MECOM: variants seen among roughly 807,000 people sequenced by gnomAD.
MECOM encodes MDS1 and EVI1 complex locus, also known as histone-lysine N-methyltransferase MECOM.
Under a neutral mutation model 116.3 loss-of-function variants are expected in MECOM, and 13 were observed. That is an observed-to-expected ratio of 0.11 (90% confidence interval 0.07 to 0.18). The LOEUF is 0.18. MECOM is among the 10% of genes least tolerant of loss of function. MECOM has a pLI of 1.00. For synonymous variants in MECOM, 528 were observed against 535.2 expected (o/e 0.99, Z 0.19); for missense variants, 1,299 against 1,509.0 (o/e 0.86, Z 2.31).
intron 1 of MECOM, among the ~76,000 whole-genome samples, chr3:169,453,207 T>C (rs961898923): frequency 1.3e-5 from 2 of 152,238 alleles, no homozygotes; most frequent in Non-Finnish European, 2.9e-5. Context: ...AATGGCTGCA[T>C]GACAGAACAA....
intron 12 of MECOM, among the ~76,000 whole-genome samples, chr3:169,100,097 CTTTCTTT>C (rs1439768545): frequency 1.1e-5 from 1 of 92,436 alleles, no homozygotes; most frequent in Non-Finnish European, 2.0e-5. Flanking sequence ...TTCTTTCTTT[CTTTCTTT>C]TTTTTTTTTT....
chr3:169,663,509 TC>T lies in MECOM; in HGVS notation c.-138del. On this transcript the variant is annotated 5_prime_UTR_variant, in exon 1 of 17. Coordinates refer to ENST00000651503, the MANE Select transcript of MECOM (RefSeq NM_004991.4). ...CTCTCTCTCTCTCTCTCTCTCTCTC[TC>T]TCTCTCTCTCTCTCTCTCTCCCTCC... 5.8e-5 allele frequency: 39 copies of T among 674,958 alleles called. No individual in the cohort carries two copies. The highest frequency in any genetic ancestry group is 9.4e-5 in the Non-Finnish European group (36 of 383,074). The allele number at this position is 674,958 out of a possible 1,614,324, so 41.8% of individuals were successfully genotyped here.
chr3:169,405,509 G>A (rs914655282), intron 1 of MECOM, among the ~76,000 whole-genome samples: 5 of 152,144 alleles, frequency 3.3e-5, no homozygotes, highest in South Asian at 2.1e-4. Context: ...CAGCTTGTGC[G>A]ATGGGGAGAC....
chr3:169,323,066 G>A (rs996234118), intron 2 of MECOM, among the ~76,000 whole-genome samples: 2 of 142,096 alleles, frequency 1.4e-5, no homozygotes, highest in South Asian at 2.3e-4. Flanking sequence ...ACACATTTTA[G>A]GAAAAAAAGA....
At chr3:169,656,399 T>G (rs1352252071) in intron 1 of MECOM, among the ~76,000 whole-genome samples, 1 of 152,142 alleles carries the variant, frequency 6.6e-6, no homozygotes, top group Non-Finnish European at 1.5e-5. Context: ...AAAGCACGTT[T>G]GCTAATGAAT....
intron 1 of MECOM, among the ~76,000 whole-genome samples, chr3:169,591,523 A>G (rs1401204225): frequency 1.3e-5 from 2 of 152,166 alleles, no homozygotes; most frequent in East Asian, 3.8e-4. Context: ...TTTTTGCTCC[A>G]TGTTACACAC....
At chr3:169,211,738 C>T (rs1223371191) in intron 2 of MECOM, among the ~76,000 whole-genome samples, 6 of 152,128 alleles carry the variant, frequency 3.9e-5, no homozygotes, top group Admixed American at 3.3e-4. Flanking sequence ...AGTTCTAGAA[C>T]TTTAAAGATC....
chr3:169,567,463 T>A (rs1763374308), intron 1 of MECOM, among the ~76,000 whole-genome samples: 1 of 152,226 alleles, frequency 6.6e-6, no homozygotes, highest in South Asian at 2.1e-4. Context: ...TTTATTACTT[T>A]AGCCACTAAT....
chr3:169,084,329 C>G lies in MECOM; in HGVS notation c.*580G>C, dbSNP rs1348029757. The G allele has an allele frequency of 8.7e-6, 2 of 230,980 alleles. No homozygotes were observed. The highest frequency in any genetic ancestry group is 4.4e-5 in the African/African-American group (2 of 45,200). The allele number at this position is 230,980 out of a possible 1,614,324, so 14.3% of individuals were successfully genotyped here. On this transcript the variant is annotated 3_prime_UTR_variant, in exon 17 of 17. Transcript: ENST00000651503. ...CATACCCTTTTTCCCTAGTTTTAAA[C>G]AATGTACTTAAGAAGGCAAAAGGGG...
intron 2 of MECOM, among the ~76,000 whole-genome samples, chr3:169,375,183 G>A (rs1263108039): frequency 2.0e-5 from 3 of 152,020 alleles, no homozygotes; most frequent in African/African-American, 7.2e-5. Flanking sequence ...AGTGTTTAGA[G>A]GGAAATTTGT....
chr3:169,380,983 G>C (rs1027097126), intron 2 of MECOM, among the ~76,000 whole-genome samples: 3 of 151,988 alleles, frequency 2.0e-5, no homozygotes, highest in Admixed American at 6.6e-5. Flanking sequence ...CCATATATTA[G>C]GTTGGGTTCC....
chr3:169,627,984 G>A lies in MECOM; in HGVS notation c.37+35352C>T, dbSNP rs900273811. On this transcript the variant is annotated intron_variant, in intron 1 of 16. Coordinates refer to ENST00000651503, the MANE Select transcript of MECOM (RefSeq NM_004991.4). ...CTGCCTGTGCAAACATAAAGTCAGAGTCGGAGAACTTGAGATGCACCGACT... is the reference window on the plus strand; with the variant it reads ...CTGCCTGTGCAAACATAAAGTCAGAATCGGAGAACTTGAGATGCACCGACT... Among the ~76,000 whole-genome samples, 4 of 152,330 alleles carry A rather than the reference G, an allele frequency of 2.6e-5. No homozygotes were observed. In the East Asian group the frequency reaches 7.7e-4, roughly 29 times the overall value.
At chr3:169,553,639 C>T (rs1372057384) in intron 1 of MECOM, among the ~76,000 whole-genome samples, 2 of 152,182 alleles carry the variant, frequency 1.3e-5, no homozygotes. Context: ...GTGGCTTAAA[C>T]AACAGAAATT....
intron 2 of MECOM, among the ~76,000 whole-genome samples, chr3:169,353,408 A>G (rs1234479091): frequency 1.3e-5 from 2 of 152,070 alleles, no homozygotes; most frequent in East Asian, 3.9e-4. Flanking sequence ...TCTAATTGAG[A>G]CTGAGGAATT....
At chr3:169,174,459 T>A (rs760005335) in intron 2 of MECOM, among the ~76,000 whole-genome samples, 5 of 152,128 alleles carry the variant, frequency 3.3e-5, no homozygotes, top group Non-Finnish European at 7.4e-5. Flanking sequence ...GTAGAAAAAT[T>A]ATAATTGCAA....
rs916039542 is a variant in MECOM, at chr3:169,345,594, G to A, written c.375+35593C>T. ...CTAAAACTTAGCAGCACCCCTGAGA[G>A]CCACAAATTGAGAGAGATTAATTCT... On this transcript the variant is annotated intron_variant, in intron 2 of 16. Transcript: ENST00000651503. 4.6e-5 allele frequency among the ~76,000 whole-genome samples: 7 copies of A among 152,208 alleles called. No homozygotes were observed. The South Asian group carries it at 1.0e-3, about 23-fold the overall frequency.
intron 1 of MECOM, among the ~76,000 whole-genome samples, chr3:169,639,073 A>C (rs919591104): frequency 2.6e-5 from 4 of 152,186 alleles, no homozygotes; most frequent in African/African-American, 9.6e-5. Flanking sequence ...CCTGGAGGTG[A>C]ACCAATCATT....
chr3:169,414,026 C>G (rs1738066503), intron 1 of MECOM, among the ~76,000 whole-genome samples: 1 of 152,238 alleles, frequency 6.6e-6, no homozygotes, highest in African/African-American at 2.4e-5. Flanking sequence ...CAGCACAGCA[C>G]TCAAGATCTG....
rs1449119139 is a variant in MECOM, at chr3:169,107,936, TG to T, written c.2593del (p.Gln865ArgfsTer15). 6.2e-7 allele frequency: 1 copy of T among 1,612,866 alleles called. No homozygotes were observed. The highest frequency in any genetic ancestry group is 8.5e-7 in the Non-Finnish European group (1 of 1,179,350). On this transcript the variant is annotated frameshift_variant, in exon 10 of 17. Coordinates refer to ENST00000651503, the MANE Select transcript of MECOM (RefSeq NM_004991.4). LOFTEE classifies it high-confidence loss of function. Reference sequence around the variant, plus strand: ...AAGTAGGAAACTTACCCAAGTTCTCTGATCAGGCAGTTGGAACTGGGAGCAA... The same window carrying T: ...AAGTAGGAAACTTACCCAAGTTCTCTATCAGGCAGTTGGAACTGGGAGCAA... The part of the protein sequence containing the change: ...LFHPQFQLPD[Q>X]RTWMSAIENM...
Sources: allele counts gnomAD v4.1 joint callset (sites outside exome capture counted in the v4.1 genomes callset), GRCh38; gene constraint gnomAD v4.1.1; transcripts MANE v1.5; gene names NCBI Gene and HGNC (gene_info 2026-07-23, HGNC 2026-07-21).